Variants in ARHGEF11 observed in about 807,000 individuals in gnomAD.
ARHGEF11 encodes Rho guanine exchange factor (GEF) 11.
In ARHGEF11, 55 loss-of-function variants were observed where a neutral mutation model predicts 193.7. The observed-to-expected ratio is 0.28, with a 90% CI of 0.23 to 0.36. ARHGEF11 has a LOEUF of 0.36. ARHGEF11 is among the 10% of genes least tolerant of loss of function. The probability of loss-of-function intolerance (pLI) is 1.00; values close to 1 mark genes in which losing one functional copy is unlikely to be tolerated. For missense variants in ARHGEF11, 1,723 were observed against 2,005.6 expected (o/e 0.86, Z 2.69); for synonymous variants, 693 against 768.0 (o/e 0.90, Z 1.62).
At position 157,044,403 on chromosome 1, in the gene ARHGEF11, T is replaced by C. The variant is rs1463759725; in HGVS notation, c.-73A>G. Reference sequence around the variant, plus strand: ...TTGATCAGGATTGAATCGCTTGCAATTTTTGAGCAAGGTGAGAGGAGGGCC... The same window carrying C: ...TTGATCAGGATTGAATCGCTTGCAACTTTTGAGCAAGGTGAGAGGAGGGCC... On this transcript the variant is annotated 5_prime_UTR_variant, in exon 1 of 41. Coordinates refer to ENST00000368194, the MANE Select transcript of ARHGEF11 (RefSeq NM_198236.3). 4 of 1,520,630 alleles carry C rather than the reference T, an allele frequency of 2.6e-6. No homozygotes were observed. The highest frequency in any genetic ancestry group is 3.6e-6 in the Non-Finnish European group (4 of 1,097,248). 94.2% of individuals were successfully genotyped at this position (1,520,630 alleles called of 1,614,324 possible).
At position 156,936,378 on chromosome 1, in the gene ARHGEF11, T is replaced by C. The variant is rs140336154; in HGVS notation, c.4631-320A>G. ...CCGACACCATGGTGTGCACCTGCAA[T>C]CCCAGCTGCTTTGGAGGCTGAGGTG... On this transcript the variant is annotated intron_variant, in intron 40 of 40. Transcript: ENST00000368194. 4,144 of 416,562 alleles carry C rather than the reference T, an allele frequency of 9.9e-3. 151 individuals carry two copies. Among genetic ancestry groups the C allele is most frequent in the African/African-American group, 0.078 (3,765 of 48,422 alleles). 25.8% of individuals were successfully genotyped at this position (416,562 alleles called of 1,614,324 possible). A position where few individuals can be genotyped will look rare whatever the true frequency, so the allele number is the denominator to read the frequency against.
At position 156,937,344 on chromosome 1, in the gene ARHGEF11, G is replaced by A. The variant is rs764554958; in HGVS notation, c.4345C>T (p.Arg1449Cys). 3.0e-5 allele frequency: 48 copies of A among 1,613,194 alleles called. No homozygotes were observed. The highest frequency in any genetic ancestry group is 1.6e-4 in the Middle Eastern group (1 of 6,078). Residue 1449 changes from arginine (R) to cysteine (C), a missense_variant, in exon 39 of 41, where the codon CGC becomes TGC. By Grantham distance (180) the Arg-to-Cys change is radical. This residue lies in a region of ARHGEF11 where 360 missense variants were observed against 344.4 expected (regional missense o/e 1.05). Transcript: ENST00000368194. ...QLQGGNDDPR[R>C]PSRSPPSLAL... Reference sequence around the variant, plus strand: ...AGGCTTGGAGGAGAGCGGCTGGGGCGTCTTGGATCATCGTTGCCTCCCTGC... The same window carrying A: ...AGGCTTGGAGGAGAGCGGCTGGGGCATCTTGGATCATCGTTGCCTCCCTGC...
chr1:157,015,799 C>A (rs751886781), intron 1 of ARHGEF11, among the ~76,000 whole-genome samples: 6 of 152,180 alleles, frequency 3.9e-5, no homozygotes, highest in Non-Finnish European at 7.3e-5. Context: ...CCTGGCCCAA[C>A]GAGCATGTCT....
At chr1:156,963,771 G>C in intron 11 of ARHGEF11, 177 bp from the exon 12 acceptor site, 1 of 1,428,512 alleles carries the variant, frequency 7.0e-7, no homozygotes, top group Non-Finnish European at 9.1e-7. Context: ...ATTTCCACTT[G>C]CAGGAAGTCA....
rs559669312 is a variant in ARHGEF11, at chr1:156,965,634, T to C, written c.964-2040A>G. ...CCAAACTTTATACAATGGGTAACAC[T>C]AGAGTATCATATGTTGTCATCTTTT... On this transcript the variant is annotated intron_variant, in intron 11 of 40. Transcript: ENST00000368194. 3.0e-4 allele frequency among the ~76,000 whole-genome samples: 45 copies of C among 152,310 alleles called. No individual in the cohort carries two copies. In the South Asian group the frequency reaches 7.7e-3, roughly 26 times the overall value.
chr1:156,974,842 T>G (rs147540057), intron 7 of ARHGEF11, among the ~76,000 whole-genome samples: 46 of 152,356 alleles, frequency 3.0e-4, no homozygotes, highest in African/African-American at 9.9e-4. Flanking sequence ...TTATTAGTAC[T>G]TCTTTCTTTT....
chr1:156,944,310 G>A lies in ARHGEF11; in HGVS notation c.3067+48C>T, dbSNP rs150447204. 934 of 1,584,502 alleles carry A rather than the reference G, an allele frequency of 5.9e-4. 13 individuals carry two copies. In the East Asian group the frequency reaches 0.018, roughly 30 times the overall value. ...GGGAAAGACAGAAGAGCCCAGGGAG[G>A]CCCACCCACTACAGGTTCCTGCTCA... On this transcript the variant is annotated intron_variant, in intron 31 of 40. Transcript: ENST00000368194.
At chr1:156,944,995 A>G (rs1657852147) in intron 30 of ARHGEF11, 24 bp downstream of exon 30, 1 of 1,608,368 alleles carries the variant, frequency 6.2e-7, no homozygotes, top group Admixed American at 1.7e-5. Flanking sequence ...TGAGGGGTTG[A>G]CTGCTGCAGC....
At chr1:156,959,943 C>CCCAAAA (rs1553204878) in intron 15 of ARHGEF11, among the ~76,000 whole-genome samples, 1 of 97,098 alleles carries the variant, frequency 1.0e-5, no homozygotes, top group African/African-American at 3.9e-5. Context: ...CCCCCCCCCC[C>CCCAAAA]AAAAAAAACA....
In ARHGEF11 at chr1:156,948,413, G is replaced by C. The variant is rs756834160; in HGVS notation, c.2011C>G (p.Pro671Ala). The change falls in exon 23 of 41, where the codon CCC becomes GCC. Residue 671 changes from proline (P) to alanine (A), a missense_variant. Pro to Ala is a conservative substitution (Grantham distance 27). Coordinates refer to ENST00000368194, the MANE Select transcript of ARHGEF11 (RefSeq NM_198236.3). The surrounding 1 kb of genome is among the most constrained non-coding windows in gnomAD (Gnocchi z 4.2). ...ATGTCAACATCACTGCGAGAGCGGG[G>C]CACGTTCTCTGCCTTTCGAGACCGT... ...MKRSRKAENVPRSRSDVDMDA... is the reference protein window; with the variant it reads ...MKRSRKAENVARSRSDVDMDA... 3 of 1,614,252 alleles carry C rather than the reference G, an allele frequency of 1.9e-6. No homozygotes were observed. The highest frequency in any genetic ancestry group is 2.5e-6 in the Non-Finnish European group (3 of 1,180,056).
At chr1:156,954,380 CAAAAAAAAAAAAAAAAAAAAA>C (rs559848711) in intron 21 of ARHGEF11, among the ~76,000 whole-genome samples, 7 of 75,148 alleles carry the variant, frequency 9.3e-5, no homozygotes, top group Admixed American at 4.9e-4. Context: ...ACTGTGTCTC[CAAAAAAAAAAAAAAAAAAAAA>C]AAAAAAAAAA....
intron 2 of ARHGEF11, among the ~76,000 whole-genome samples, chr1:156,985,116 A>G (rs577022661): frequency 5.3e-5 from 8 of 152,140 alleles, no homozygotes; most frequent in South Asian, 2.1e-4. Context: ...GACATCGTAC[A>G]TGTGTATGAG....
intron 8 of ARHGEF11, among the ~76,000 whole-genome samples, 169 bp from the exon 9 acceptor site, chr1:156,970,212 T>A (rs1557880034): frequency 6.6e-6 from 1 of 152,336 alleles, no homozygotes; most frequent in East Asian, 1.9e-4. Flanking sequence ...AGTTTGAGGA[T>A]GACAATGACC....
chr1:156,944,485 T>C, intron 30 of ARHGEF11, 52 bp from the exon 31 acceptor site: 1 of 1,521,622 alleles, frequency 6.6e-7, no homozygotes, highest in Non-Finnish European at 9.1e-7. Flanking sequence ...TTCATTCAAG[T>C]GTTTGAGAGC....
intron 7 of ARHGEF11, among the ~76,000 whole-genome samples, chr1:156,976,608 T>A (rs1663294129): frequency 6.6e-6 from 1 of 152,212 alleles, no homozygotes. Flanking sequence ...CTGTAAACTC[T>A]CTTCATCCTT....
At chr1:157,030,445 C>T (rs1671159607) in intron 1 of ARHGEF11, among the ~76,000 whole-genome samples, 1 of 152,138 alleles carries the variant, frequency 6.6e-6, no homozygotes, top group South Asian at 2.1e-4. Flanking sequence ...GAATGCAAAC[C>T]TCAGGTCCTA....
chr1:156,957,546 G>A (rs1340376365), intron 18 of ARHGEF11, among the ~76,000 whole-genome samples: 1 of 152,186 alleles, frequency 6.6e-6, no homozygotes, highest in Non-Finnish European at 1.5e-5. Flanking sequence ...GCAGCTTGGT[G>A]TCTTCCCACT....
At chr1:156,936,495 AAAATATATATATATATATAT>A (rs1306097093) in intron 40 of ARHGEF11, among the ~76,000 whole-genome samples, 1 of 57,094 alleles carries the variant, frequency 1.8e-5, no homozygotes, top group Non-Finnish European at 3.0e-5. Flanking sequence ...AAAAAAAAAA[AAAATATATATATATATATAT>A]ATATATATAT....
intron 18 of ARHGEF11, among the ~76,000 whole-genome samples, chr1:156,957,489 T>C (rs576002591): frequency 1.3e-4 from 20 of 152,306 alleles, no homozygotes; most frequent in African/African-American, 4.3e-4. Context: ...AAAGGGCTCA[T>C]CTGGGTAGAG....
Sources: gnomAD v4.1 joint callset for allele counts (sites outside exome capture counted in the v4.1 genomes callset) on GRCh38, gnomAD v4.1.1 for gene constraint, gnomAD v4.1.1 regional missense constraint, Gnocchi (gnomAD v3.1) non-coding constraint, MANE v1.5 for transcripts, NCBI Gene and HGNC (gene_info 2026-07-23, HGNC 2026-07-21) for gene names.